The following GSDMC variants were observed in gnomAD, a reference collection of about 807,000 sequenced individuals.
GSDMC encodes gasdermin C, also known as gasdermin-C.
GSDMC carries 59 observed loss-of-function variants against 58.0 expected under a neutral mutation model. The observed-to-expected ratio is 1.02, with a 90% CI of 0.82 to 1.26. The LOEUF (loss-of-function observed/expected upper bound fraction) is 1.26, where lower values mean the gene tolerates loss of function less well. GSDMC is among the 50% of genes most tolerant of loss of function. The pLI, the probability that GSDMC is intolerant of heterozygous loss-of-function variation, is 0.00. For synonymous variants in GSDMC, 241 were observed against 220.2 expected (o/e 1.09, Z -0.83); for missense variants, 659 against 598.5 (o/e 1.10, Z -1.06).
At chr8:129,707,548 A>T in the GSDMC span, among the ~76,000 whole-genome samples, 1 of 152,232 alleles carries the variant, frequency 6.6e-6, no homozygotes, top group Non-Finnish European at 1.5e-5. Context: ...CATTTAACTC[A>T]AATGCAGAAT....
rs1268474364 is a variant in GSDMC, at chr8:129,751,850, A to T, written c.916+12T>A. 2 of 1,609,110 alleles carry T rather than the reference A, an allele frequency of 1.2e-6. No individual in the cohort carries two copies. Among genetic ancestry groups the T allele is most frequent in the Admixed American group, 3.3e-5 (2 of 59,992 alleles). ...GGATCCCCACCCCCACCTCCAGCAA[A>T]CTCACACTCACCTACTGGGAGGATG... On this transcript the variant is annotated intron_variant, in intron 9 of 13. Coordinates refer to ENST00000276708, the MANE Select transcript of GSDMC (RefSeq NM_031415.3).
intron 6 of GSDMC, among the ~76,000 whole-genome samples, chr8:129,754,801 G>A (rs1157355777): frequency 1.4e-5 from 2 of 146,274 alleles, no homozygotes; most frequent in East Asian, 3.9e-4. Flanking sequence ...TTCTGGAGTT[G>A]AAAAATGCAG....
chr8:129,748,604 A>G lies in GSDMC; in HGVS notation c.1424T>C (p.Met475Thr), dbSNP rs4144738. 0.5 allele frequency: 809,043 copies of G among 1,612,584 alleles called. 212,838 individuals are homozygous for G. The highest frequency in any genetic ancestry group is 0.88 in the African/African-American group (66,318 of 74,946). Residue 475 changes from methionine to threonine, a missense_variant, in exon 14 of 14, where the codon ATG becomes ACG. Transcript: ENST00000276708. ...GGTTGACCTGGGGTTATCCAGCTCCATCCTAAGGCCACACTCCTCCAGCAG... is the reference window on the plus strand; with the variant it reads ...GGTTGACCTGGGGTTATCCAGCTCCGTCCTAAGGCCACACTCCTCCAGCAG... Reference protein sequence around the residue: ...YGLLEECGLRMELDNPRSTWD... With the variant: ...YGLLEECGLRTELDNPRSTWD...
rs113659517 is a variant in GSDMC at position 129,776,180 on chromosome 8, G to A, written c.326C>T (p.Ala109Val). The change falls in exon 3 of 14, where the codon GCC becomes GTC. Residue 109 changes from alanine (A) to valine (V), a missense_variant. Ala to Val is a moderately conservative substitution (Grantham distance 64, BLOSUM62 0). Coordinates refer to ENST00000276708, the MANE Select transcript of GSDMC (RefSeq NM_031415.3). ...VGIEVSVSGE[A>V]SVDHGCSLEF... is the part of the protein sequence containing the mutation. ...GAGGGAGCATCCATGGTCCACAGAG[G>A]CCTCCCCTGACACACTCACTTCTAT... The A allele has an allele frequency of 6.2e-7, 1 of 1,613,670 alleles. No homozygotes were observed. Among genetic ancestry groups the A allele is most frequent in the Non-Finnish European group, 8.5e-7 (1 of 1,179,692 alleles).
the GSDMC span, chr8:129,728,822 C>G: frequency 8.7e-6 from 5 of 573,522 alleles, no homozygotes; most frequent in East Asian, 3.4e-5. Flanking sequence ...GCGGACGGAC[C>G]CTGAGCTGAG....
At chr8:129,781,191 A>T (rs1050114964) in intron 1 of GSDMC, among the ~76,000 whole-genome samples, 1 of 152,188 alleles carries the variant, frequency 6.6e-6, no homozygotes, top group Non-Finnish European at 1.5e-5. Context: ...TAGTAATAAC[A>T]TTAAATGTAA....
intron 7 of GSDMC, 143 bp downstream of exon 7, chr8:129,752,555 C>T (rs1241118865): frequency 2.3e-6 from 3 of 1,291,600 alleles, no homozygotes; most frequent in Non-Finnish European, 3.1e-6. Context: ...AGCAAAAAAA[C>T]ACTGCCAGAG....
intron 6 of GSDMC, 102 bp from the exon 7 acceptor site, chr8:129,752,922 C>T: frequency 6.4e-7 from 1 of 1,556,636 alleles, no homozygotes; most frequent in Non-Finnish European, 8.7e-7. Flanking sequence ...CAATCAGTGC[C>T]AGTGCACGAA....
At chr8:129,767,608 A>G (rs998464856) in intron 3 of GSDMC, among the ~76,000 whole-genome samples, 2 of 152,182 alleles carry the variant, frequency 1.3e-5, no homozygotes, top group Admixed American at 6.5e-5. Context: ...CTGACTGACC[A>G]TGGAGCAAAC....
At chr8:129,752,266 CAT>C in intron 7 of GSDMC, 119 bp from the exon 8 acceptor site, 1 of 791,716 alleles carries the variant, frequency 1.3e-6, no homozygotes, top group East Asian at 2.7e-5. Flanking sequence ...TTATTTCTCA[CAT>C]GTTCCATCAG....
intron 3 of GSDMC, among the ~76,000 whole-genome samples, chr8:129,770,620 G>A (rs985391668): frequency 2.0e-5 from 3 of 151,896 alleles, no homozygotes; most frequent in Admixed American, 6.6e-5. Flanking sequence ...AACTACAAAG[G>A]AAAAACCTGT....
chr8:129,750,676 C>A, intron 10 of GSDMC, 106 bp from the exon 11 acceptor site: 1 of 1,141,986 alleles, frequency 8.8e-7, no homozygotes, highest in Non-Finnish European at 1.3e-6. Flanking sequence ...ACTCCTCTAT[C>A]CCTTTCAGCT....
intron 3 of GSDMC, among the ~76,000 whole-genome samples, chr8:129,774,528 CAA>C (rs34881340): frequency 9.2e-5 from 11 of 119,474 alleles, no homozygotes; most frequent in Non-Finnish European, 8.8e-5. Context: ...GCAACAGCAG[CAA>C]AAAAAAAAAA....
At chr8:129,724,245 A>G in the GSDMC span, among the ~76,000 whole-genome samples, 15 of 152,202 alleles carry the variant, frequency 9.9e-5, no homozygotes, top group Non-Finnish European at 1.6e-4. Context: ...CCAACATCCA[A>G]CTGCAGTCAC....
At chr8:129,735,448 C>G in the GSDMC span, among the ~76,000 whole-genome samples, 1 of 152,168 alleles carries the variant, frequency 6.6e-6, no homozygotes, top group South Asian at 2.1e-4. Flanking sequence ...GAAATCACAA[C>G]AAACTGTCTT....
chr8:129,755,959 A>G (rs1279491311), intron 6 of GSDMC, among the ~76,000 whole-genome samples: 2 of 151,974 alleles, frequency 1.3e-5, no homozygotes, highest in South Asian at 2.1e-4. Context: ...AAAGAAGGCC[A>G]GAAAACAATA....
the GSDMC span, among the ~76,000 whole-genome samples, chr8:129,706,059 G>A: frequency 2.3e-3 from 344 of 152,238 alleles, no homozygotes; most frequent in African/African-American, 8.0e-3. Flanking sequence ...TAAATTTAAA[G>A]ATAGGAAGGG....
At chr8:129,770,146 A>G (rs2034000241) in intron 3 of GSDMC, among the ~76,000 whole-genome samples, 2 of 152,226 alleles carry the variant, frequency 1.3e-5, no homozygotes, top group South Asian at 2.1e-4. Context: ...TAAAATATCA[A>G]TGAGGGGAAG....
intron 4 of GSDMC, 113 bp downstream of exon 4, chr8:129,765,515 A>C (rs2130468666): frequency 1.3e-6 from 1 of 775,736 alleles, no homozygotes; most frequent in African/African-American, 1.7e-5. Context: ...TAATGACTCC[A>C]TCCCTTGTAA....
Sources: allele counts gnomAD v4.1 joint callset (sites outside exome capture counted in the v4.1 genomes callset), GRCh38; gene constraint gnomAD v4.1.1; transcripts MANE v1.5; gene names NCBI Gene and HGNC (gene_info 2026-07-23, HGNC 2026-07-21).